Variants in LUZP2 observed in about 807,000 individuals in gnomAD.
LUZP2 encodes leucine zipper protein 2.
Under a neutral mutation model 51.6 loss-of-function variants are expected in LUZP2, and 52 were observed. The ratio of observed to expected loss-of-function variants is 1.01; its 90% CI spans 0.81 to 1.27. The LOEUF (loss-of-function observed/expected upper bound fraction) is 1.27. Ranked by LOEUF, LUZP2 falls within the 50% of genes most tolerant of loss-of-function variation. The pLI, the probability that LUZP2 is intolerant of heterozygous loss-of-function variation, is 0.00. For synonymous variants in LUZP2, 154 were observed against 137.3 expected, an observed-to-expected ratio of 1.12 and a Z score of -0.85; for missense variants, 436 against 395.4, an observed-to-expected ratio of 1.10 and a Z score of -0.87.
intron 1 of LUZP2, among the ~76,000 whole-genome samples, chr11:24,523,832 G>C (rs1182412919): frequency 2.6e-5 from 4 of 151,748 alleles, no homozygotes; most frequent in African/African-American, 9.7e-5. Context: ...CTTAGAGGCA[G>C]TGGGGCAATG....
chr11:24,830,723 G>T (rs1041815762), intron 5 of LUZP2, among the ~76,000 whole-genome samples: 1 of 151,934 alleles, frequency 6.6e-6, no homozygotes, highest in Non-Finnish European at 1.5e-5. Context: ...GGCCAGGTGC[G>T]GTGGCTCATG....
At chr11:25,021,766 T>C (rs1260586423) in intron 9 of LUZP2, among the ~76,000 whole-genome samples, 1 of 118,338 alleles carries the variant, frequency 8.5e-6, no homozygotes, top group Non-Finnish European at 1.7e-5. Context: ...ATTTGAAGAA[T>C]GCAATATAGG....
chr11:25,058,009 C>A (rs1858736302), intron 10 of LUZP2, among the ~76,000 whole-genome samples: 1 of 151,488 alleles, frequency 6.6e-6, no homozygotes, highest in Admixed American at 6.6e-5. Context: ...TTGGTAGATC[C>A]AATGCTTGGT....
At chr11:24,782,279 G>T (rs1439896453) in intron 5 of LUZP2, among the ~76,000 whole-genome samples, 1 of 152,056 alleles carries the variant, frequency 6.6e-6, no homozygotes, top group Non-Finnish European at 1.5e-5. Context: ...AGTATGGTCA[G>T]AGTGCAGCTG....
At chr11:24,910,059 A>G (rs549850825) in intron 6 of LUZP2, among the ~76,000 whole-genome samples, 3 of 152,278 alleles carry the variant, frequency 2.0e-5, no homozygotes, top group Non-Finnish European at 4.4e-5. Flanking sequence ...GGGAACTGGA[A>G]CAAAGGTGAT....
At chr11:24,700,471 G>A (rs962360406) in intron 1 of LUZP2, among the ~76,000 whole-genome samples, 6 of 152,014 alleles carry the variant, frequency 3.9e-5, no homozygotes, top group Non-Finnish European at 5.9e-5. Flanking sequence ...CACTTCCTAC[G>A]CCTTTCTCTT....
chr11:24,807,011 A>G (rs1479340905), intron 5 of LUZP2, among the ~76,000 whole-genome samples: 1 of 136,550 alleles, frequency 7.3e-6, no homozygotes, highest in Non-Finnish European at 1.5e-5. Context: ...ACTATCCCTC[A>G]AAGAAAATCC....
At chr11:24,539,311 T>A (rs920294793) in intron 1 of LUZP2, among the ~76,000 whole-genome samples, 5 of 151,946 alleles carry the variant, frequency 3.3e-5, no homozygotes, top group Non-Finnish European at 5.9e-5. Context: ...TAAGTCCTCG[T>A]TGCCACAGAT....
intron 9 of LUZP2, among the ~76,000 whole-genome samples, chr11:25,031,995 A>G (rs962097155): frequency 6.6e-6 from 1 of 152,104 alleles, no homozygotes; most frequent in Non-Finnish European, 1.5e-5. Context: ...ATGACAAGGG[A>G]CCTAAAAATT....
At chr11:25,063,400 T>A (rs897847104) in intron 10 of LUZP2, among the ~76,000 whole-genome samples, 3 of 151,762 alleles carry the variant, frequency 2.0e-5, no homozygotes, top group Admixed American at 1.3e-4. Context: ...TTTATCCATC[T>A]TAATACAATA....
At chr11:24,734,901 G>A (rs908486319) in intron 3 of LUZP2, among the ~76,000 whole-genome samples, 3 of 151,814 alleles carry the variant, frequency 2.0e-5, no homozygotes, top group Admixed American at 6.6e-5. Flanking sequence ...TTTGTCCTCA[G>A]ATCCTTGTCA....
At chr11:25,032,305 G>T (rs1230226761) in intron 9 of LUZP2, among the ~76,000 whole-genome samples, 3 of 152,160 alleles carry the variant, frequency 2.0e-5, no homozygotes, top group African/African-American at 7.2e-5. Flanking sequence ...GTTATAAGTT[G>T]TTGCAGCAGC....
intron 7 of LUZP2, among the ~76,000 whole-genome samples, chr11:24,947,305 A>C (rs1854926550): frequency 6.6e-6 from 1 of 151,920 alleles, no homozygotes; most frequent in Admixed American, 6.6e-5. Flanking sequence ...CTTCACACTG[A>C]ATACTATGAG....
chr11:24,982,904 A>G (rs1441533833), intron 8 of LUZP2, among the ~76,000 whole-genome samples: 1 of 151,848 alleles, frequency 6.6e-6, no homozygotes, highest in Non-Finnish European at 1.5e-5. Flanking sequence ...ATATCTTTGT[A>G]TTTCAGTGTT....
At chr11:24,772,987 A>G (rs778024317) in intron 5 of LUZP2, among the ~76,000 whole-genome samples, 1 of 152,078 alleles carries the variant, frequency 6.6e-6, no homozygotes, top group Non-Finnish European at 1.5e-5. Context: ...ATAAGTTCAT[A>G]TTCTGAAGTT....
intron 1 of LUZP2, among the ~76,000 whole-genome samples, chr11:24,588,365 A>G (rs1030834536): frequency 1.3e-5 from 2 of 152,122 alleles, no homozygotes; most frequent in Non-Finnish European, 1.5e-5. Context: ...GATTGACCAC[A>G]ATGCATGGGC....
intron 6 of LUZP2, among the ~76,000 whole-genome samples, chr11:24,911,258 A>C (rs1853625596): frequency 6.6e-6 from 1 of 152,156 alleles, no homozygotes; most frequent in Non-Finnish European, 1.5e-5. Flanking sequence ...TTTTGGGTTA[A>C]AGCTGGAATG....
At chr11:24,699,653 C>CTATA (rs376832974) in intron 1 of LUZP2, among the ~76,000 whole-genome samples, 25,570 of 131,988 alleles carry the variant, frequency 0.19, 2,258 homozygotes, top group East Asian at 0.32. Flanking sequence ...ATAGCCTTGG[C>CTATA]CATATATATA....
At chr11:24,545,931 ATTTG>A (rs2133732493) in intron 1 of LUZP2, among the ~76,000 whole-genome samples, 1 of 151,662 alleles carries the variant, frequency 6.6e-6, no homozygotes, top group Non-Finnish European at 1.5e-5. Context: ...TAGCTTTTTT[ATTTG>A]TTTGTGTTAT....
Sources: gnomAD v4.1 joint callset for allele counts (sites outside exome capture counted in the v4.1 genomes callset) on GRCh38, gnomAD v4.1.1 for gene constraint, MANE v1.5 for transcripts, NCBI Gene and HGNC (gene_info 2026-07-23, HGNC 2026-07-21) for gene names.